RWDD1: variants seen among roughly 807,000 people sequenced by gnomAD.
RWDD1 encodes the protein RWD domain-containing protein 1.
A neutral mutation model predicts 31.6 loss-of-function variants in RWDD1; 17 were observed. The ratio of observed to expected loss-of-function variants is 0.54; its 90% CI spans 0.37 to 0.81. RWDD1 has a LOEUF of 0.81. Among genes scored for constraint, RWDD1 ranks in the 30% least tolerant of loss-of-function variants. The pLI is 0.00. For synonymous variants in RWDD1, 78 were observed against 94.2 expected, an observed-to-expected ratio of 0.83 and a Z score of 0.99; for missense variants, 204 against 274.5, an observed-to-expected ratio of 0.74 and a Z score of 1.82.
rs1280025347 is a variant in RWDD1, at chr6:116,594,151, C to G, written c.*1050C>G. 1.3e-5 allele frequency: 2 copies of G among 148,774 alleles called. No homozygotes were observed. Among genetic ancestry groups the G allele is most frequent in the Non-Finnish European group, 3.0e-5 (2 of 67,522 alleles). 9.2% of individuals were successfully genotyped at this position (148,774 alleles called of 1,614,324 possible). A position where few individuals can be genotyped will look rare whatever the true frequency, so the allele number is the denominator to read the frequency against. ...TTTTTTAAACTAGCTTTGGTGGGAA[C>G]TCCCTCACCCCTGCTCCCCACAGGA... On this transcript the variant is annotated 3_prime_UTR_variant, in exon 7 of 7. Coordinates refer to ENST00000466444, the MANE Select transcript of RWDD1 (RefSeq NM_015952.4).
intron 1 of RWDD1, 30 bp downstream of exon 1, chr6:116,571,685 G>T: frequency 6.3e-7 from 1 of 1,598,186 alleles, no homozygotes; most frequent in Non-Finnish European, 8.6e-7. Flanking sequence ...GCCTGTAGCC[G>T]CCCCGAGGTG....
chr6:116,574,745 A>ACCTCCCCTCCCCTTCCCTCC (rs1562375210), intron 1 of RWDD1, among the ~76,000 whole-genome samples: 1 of 84,502 alleles, frequency 1.2e-5, no homozygotes, highest in Non-Finnish European at 2.4e-5. Flanking sequence ...CCTTCCTTCC[A>ACCTCCCCTCCCCTTCCCTCC]CCTCCCCTCC....
At position 116,593,794 on chromosome 6, in the gene RWDD1, A is replaced by T. The variant is rs1204481165; in HGVS notation, c.*693A>T. 3 of 151,976 alleles carry T rather than the reference A, an allele frequency of 2.0e-5. No homozygotes were observed. In the South Asian group the frequency reaches 6.2e-4, roughly 32 times the overall value. The allele number at this position is 151,976 out of a possible 1,614,324, so 9.4% of individuals were successfully genotyped here. A position where few individuals can be genotyped will look rare whatever the true frequency, so the allele number is the denominator to read the frequency against. On this transcript the variant is annotated 3_prime_UTR_variant, in exon 7 of 7. Coordinates refer to ENST00000466444, the MANE Select transcript of RWDD1 (RefSeq NM_015952.4). ...CCCCGTCTCTATTAAAAATACAAAAAATTAGCCAGGTGTGGTGGCGAGCAC... is the reference window on the plus strand; with the variant it reads ...CCCCGTCTCTATTAAAAATACAAAATATTAGCCAGGTGTGGTGGCGAGCAC...
At position 116,592,833 on chromosome 6, in the gene RWDD1, G is replaced by C. The variant is rs746016896; in HGVS notation, c.611-147G>C. 9.6e-5 allele frequency: 74 copies of C among 770,254 alleles called. No homozygotes were observed. The South Asian group carries it at 1.5e-3, about 16-fold the overall frequency. 47.7% of individuals were successfully genotyped at this position (770,254 alleles called of 1,614,324 possible). A position where few individuals can be genotyped will look rare whatever the true frequency, so the allele number is the denominator to read the frequency against. ...TCTCTACTGACCAATGCAAATCACT[G>C]TTGATAACTGTAGTTTGGGATTTCA... On this transcript the variant is annotated intron_variant, in intron 6 of 6. Coordinates refer to ENST00000466444, the MANE Select transcript of RWDD1 (RefSeq NM_015952.4).
At chr6:116,579,122 C>T (rs1026344690) in intron 1 of RWDD1, among the ~76,000 whole-genome samples, 1 of 152,182 alleles carries the variant, frequency 6.6e-6, no homozygotes, top group Non-Finnish European at 1.5e-5. Context: ...GTGATCCGCC[C>T]GCCTTGGCCT....
At chr6:116,579,032 C>G (rs1340546888) in intron 1 of RWDD1, among the ~76,000 whole-genome samples, 2 of 152,068 alleles carry the variant, frequency 1.3e-5, no homozygotes, top group Admixed American at 6.6e-5. Context: ...TGCGCCACCA[C>G]GCCTGGCTAT....
At chr6:116,585,905 T>C (rs1301503200) in intron 3 of RWDD1, among the ~76,000 whole-genome samples, 1 of 152,188 alleles carries the variant, frequency 6.6e-6, no homozygotes, top group Admixed American at 6.5e-5. Context: ...GTGATCCTTC[T>C]GCCTCAGCCT....
intron 2 of RWDD1, among the ~76,000 whole-genome samples, chr6:116,583,783 T>C (rs1774989447): frequency 6.6e-6 from 1 of 152,214 alleles, no homozygotes; most frequent in African/African-American, 2.4e-5. Flanking sequence ...CAGAAGATAC[T>C]GTTTCTTACT....
chr6:116,590,726 T>C (rs529445050), intron 5 of RWDD1, among the ~76,000 whole-genome samples, 162 bp from the exon 6 acceptor site: 48 of 152,306 alleles, frequency 3.2e-4, no homozygotes, highest in African/African-American at 1.1e-3. Flanking sequence ...TGTTCCATTT[T>C]AATGCAGATA....
chr6:116,589,616 A>T (rs527379978), intron 4 of RWDD1, among the ~76,000 whole-genome samples: 4 of 152,296 alleles, frequency 2.6e-5, no homozygotes, highest in South Asian at 2.1e-4. Context: ...CAGTTTTGAC[A>T]GTGTATTAGT....
intron 2 of RWDD1, among the ~76,000 whole-genome samples, chr6:116,581,464 G>T (rs1774946185): frequency 6.6e-6 from 1 of 151,936 alleles, no homozygotes; most frequent in East Asian, 1.9e-4. Flanking sequence ...GCTTTATTAG[G>T]AGCTAGTAAT....
intron 1 of RWDD1, chr6:116,574,133 C>A: frequency 4.5e-6 from 1 of 221,798 alleles, no homozygotes; most frequent in Non-Finnish European, 7.6e-6. Flanking sequence ...ATACCACATT[C>A]TCCTTCAGTA....
At chr6:116,586,524 A>G (rs1352398372) in intron 3 of RWDD1, among the ~76,000 whole-genome samples, 3 of 152,178 alleles carry the variant, frequency 2.0e-5, no homozygotes, top group Non-Finnish European at 2.9e-5. Flanking sequence ...GTATGTATAT[A>G]TAATTACTCA....
At chr6:116,583,317 C>T (rs1023837391) in intron 2 of RWDD1, among the ~76,000 whole-genome samples, 13 of 152,028 alleles carry the variant, frequency 8.6e-5, no homozygotes, top group African/African-American at 3.1e-4. Flanking sequence ...TTTAAAGTTC[C>T]CTTTAAGTTT....
At chr6:116,578,834 T>G (rs1273952531) in intron 1 of RWDD1, among the ~76,000 whole-genome samples, 1 of 152,106 alleles carries the variant, frequency 6.6e-6, no homozygotes, top group African/African-American at 2.4e-5. Context: ...TACCTTAAAT[T>G]CAATTAAAAT....
chr6:116,574,481 GCT>G lies in RWDD1; in HGVS notation c.73+2832_73+2833del, dbSNP rs541504186. Among the ~76,000 whole-genome samples, 26 of 152,196 alleles carry G rather than the reference GCT, an allele frequency of 1.7e-4. 1 individual carries two copies. In the South Asian group the frequency reaches 5.4e-3, roughly 32 times the overall value. ...ACCAGAGGTACTTATTTTAATATGGGCTCTCTCGTATTTTGTGGAAACTAAAG... is the reference window on the plus strand; with the variant it reads ...ACCAGAGGTACTTATTTTAATATGGGCTCTCGTATTTTGTGGAAACTAAAG... On this transcript the variant is annotated intron_variant, in intron 1 of 6. Coordinates refer to ENST00000466444, the MANE Select transcript of RWDD1 (RefSeq NM_015952.4).
chr6:116,573,652 G>A (rs1226503320), intron 1 of RWDD1, among the ~76,000 whole-genome samples: 1 of 152,022 alleles, frequency 6.6e-6, no homozygotes, highest in Non-Finnish European at 1.5e-5. Context: ...GCCTTCTTTT[G>A]TATTTATGAT....
chr6:116,579,445 G>A (rs1355597442), intron 1 of RWDD1, among the ~76,000 whole-genome samples: 1 of 152,078 alleles, frequency 6.6e-6, no homozygotes. Context: ...AGTTTTCTTT[G>A]TTACTGTTTT....
intron 1 of RWDD1, among the ~76,000 whole-genome samples, chr6:116,575,008 G>A (rs891366447): frequency 1.3e-5 from 2 of 151,802 alleles, no homozygotes; most frequent in Non-Finnish European, 1.5e-5. Context: ...GGCCTCAAGC[G>A]AGTCTCCTGC....
Sources: gnomAD v4.1 joint callset for allele counts (sites outside exome capture counted in the v4.1 genomes callset) on GRCh38, gnomAD v4.1.1 for gene constraint, MANE v1.5 for transcripts, NCBI Gene and HGNC (gene_info 2026-07-23, HGNC 2026-07-21) for gene names.